Variants in ANKFN1 observed in about 807,000 individuals in gnomAD.
ANKFN1 encodes the protein ankyrin repeat and fibronectin type-III domain-containing protein 1.
A neutral mutation model predicts 108.7 loss-of-function variants in ANKFN1; 74 were observed. The ratio of observed to expected loss-of-function variants is 0.68; its 90% CI spans 0.56 to 0.83. ANKFN1 has a LOEUF of 0.83. Among genes scored for constraint, ANKFN1 ranks in the 40% least tolerant of loss-of-function variants. The probability of loss-of-function intolerance (pLI) is 0.00; values close to 1 mark genes in which losing one functional copy is unlikely to be tolerated. For missense variants in ANKFN1, 1,505 were observed against 1,382.3 expected, an observed-to-expected ratio of 1.09 and a Z score of -1.41; for synonymous variants, 547 against 516.2, an observed-to-expected ratio of 1.06 and a Z score of -0.81.
intron 3 of ANKFN1, among the ~76,000 whole-genome samples, chr17:56,274,448 G>A (rs1418139188): frequency 6.6e-6 from 1 of 152,142 alleles, no homozygotes; most frequent in Non-Finnish European, 1.5e-5. Flanking sequence ...ACTCCAGCCT[G>A]GGCGACAGCG....
Position 56,094,519 on chromosome 17 carries a change from C to CGCCAGGCTGCCAGGCT in ANKFN1, c.288+48212_288+48227dup, listed in dbSNP as rs60704704. Among the ~76,000 whole-genome samples the CGCCAGGCTGCCAGGCT allele has an allele frequency of 1.7e-4, 19 of 113,580 alleles. No homozygotes were observed. The East Asian group carries it at 1.9e-3, about 12-fold the overall frequency. 74.5% of individuals were successfully genotyped at this position (113,580 alleles called of 152,430 possible). ...TTTTTGAGGCGAAGTCTTGTTTTGT[C>CGCCAGGCTGCCAGGCT]GCCAGGCTGCCAGGCTGCCAGGCTG... is the stretch of plus-strand genomic sequence containing the variant. On this transcript the variant is annotated intron_variant, in intron 4 of 12. Coordinates refer to the ANKFN1 transcript ENST00000635860.
intron 1 of ANKFN1, among the ~76,000 whole-genome samples, chr17:56,190,010 A>C (rs1407767645): frequency 1.3e-5 from 2 of 151,310 alleles, no homozygotes; most frequent in African/African-American, 4.9e-5. Flanking sequence ...AAAAAAAAAA[A>C]AGTATTCTCT....
intron 4 of ANKFN1, among the ~76,000 whole-genome samples, chr17:56,126,400 T>C (rs1906935973): frequency 6.6e-6 from 1 of 152,130 alleles, no homozygotes; most frequent in African/African-American, 2.4e-5. Context: ...TCCCCCTTCT[T>C]GACACAATTA....
rs373907149 is a variant in ANKFN1 at position 56,337,833 on chromosome 17, G to A, written c.188+11478G>A. Among the ~76,000 whole-genome samples the A allele has an allele frequency of 4.6e-5, 7 of 152,246 alleles. No individual in the cohort carries two copies. In the East Asian group the frequency reaches 1.4e-3, roughly 29 times the overall value. On this transcript the variant is annotated intron_variant, in intron 4 of 20. Coordinates refer to ENST00000682825, the MANE Select transcript of ANKFN1 (RefSeq NM_001370326.1). ...ATGCTGGAGAGGATGTGGAGAAATA[G>A]GAACACTTTTACACCATTGGTGGGA...
intron 3 of ANKFN1, among the ~76,000 whole-genome samples, chr17:56,297,405 C>G (rs114606579): frequency 6.6e-6 from 1 of 152,124 alleles, no homozygotes; most frequent in African/African-American, 2.4e-5. Context: ...GCAATCTACT[C>G]GTGATTCTGT....
chr17:56,267,199 A>T (rs936081971), intron 3 of ANKFN1, among the ~76,000 whole-genome samples: 1 of 152,178 alleles, frequency 6.6e-6, no homozygotes, highest in Non-Finnish European at 1.5e-5. Flanking sequence ...CTCCAGCTGC[A>T]TGTGTGTTGC....
At chr17:56,175,168 A>G (rs1441717068) in intron 1 of ANKFN1, among the ~76,000 whole-genome samples, 1 of 152,220 alleles carries the variant, frequency 6.6e-6, no homozygotes, top group Non-Finnish European at 1.5e-5. Flanking sequence ...TAAGATATCA[A>G]AATAAGTGCT....
intron 4 of ANKFN1, among the ~76,000 whole-genome samples, chr17:56,061,844 C>A (rs761175207): frequency 6.6e-6 from 1 of 152,160 alleles, no homozygotes; most frequent in Non-Finnish European, 1.5e-5. Flanking sequence ...GATTTGAGAT[C>A]TTTCTAGCTT....
chr17:56,144,185 A>AAACT, intron 4 of ANKFN1, among the ~76,000 whole-genome samples: 1 of 99,242 alleles, frequency 1.0e-5, no homozygotes, highest in African/African-American at 3.6e-5. Context: ...AAAAAAAAAA[A>AAACT]CAGCCCAAAC....
At chr17:56,382,512 C>T (rs12941911) in intron 8 of ANKFN1, among the ~76,000 whole-genome samples, 83,110 of 151,536 alleles carry the variant, frequency 0.55, 27,427 homozygotes, top group East Asian at 0.95. Flanking sequence ...ACTAAATCCT[C>T]CAATTAAAAG....
chr17:56,083,176 TAA>T (rs2143171061), intron 4 of ANKFN1, among the ~76,000 whole-genome samples: 1 of 150,638 alleles, frequency 6.6e-6, no homozygotes, highest in East Asian at 1.9e-4. Flanking sequence ...GAAAAATGAA[TAA>T]GTGAATCAAT....
intron 6 of ANKFN1, among the ~76,000 whole-genome samples, chr17:56,355,418 A>G (rs1310759836): frequency 6.6e-6 from 1 of 152,158 alleles, no homozygotes; most frequent in Non-Finnish European, 1.5e-5. Flanking sequence ...TAAGACTGAC[A>G]TACTGGAGGA....
intron 3 of ANKFN1, chr17:56,323,424 G>A (rs2045425736): frequency 6.6e-6 from 1 of 152,618 alleles, no homozygotes; most frequent in African/African-American, 2.4e-5. Flanking sequence ...TCAAATAATT[G>A]CAGGCTTATG....
chr17:56,350,672 T>C, intron 4 of ANKFN1, 94 bp from the exon 5 acceptor site: 1 of 1,191,646 alleles, frequency 8.4e-7, no homozygotes, highest in Non-Finnish European at 1.2e-6. Context: ...AATATTGTAT[T>C]TGGATTCCAG....
intron 6 of ANKFN1, chr17:56,368,275 A>ATT: frequency 3.2e-5 from 1 of 31,324 alleles, no homozygotes; most frequent in Admixed American, 8.7e-4. Flanking sequence ...CTGAAAATGA[A>ATT]CTTTTTTTTT....
At chr17:56,505,648 A>G (rs2051530532) in intron 20 of ANKFN1, among the ~76,000 whole-genome samples, 1 of 152,234 alleles carries the variant, frequency 6.6e-6, no homozygotes, top group African/African-American at 2.4e-5. Flanking sequence ...ATAATTTATA[A>G]TAAAACTTGG....
chr17:56,308,661 C>T (rs956316163), intron 3 of ANKFN1, among the ~76,000 whole-genome samples: 1 of 152,064 alleles, frequency 6.6e-6, no homozygotes, highest in Non-Finnish European at 1.5e-5. Context: ...TAGGGGGAAG[C>T]ATTGTCTTTT....
chr17:56,126,298 G>A (rs199743169), intron 4 of ANKFN1, among the ~76,000 whole-genome samples: 2 of 77,400 alleles, frequency 2.6e-5, no homozygotes, highest in African/African-American at 6.5e-5. Flanking sequence ...AAAAAGGGGG[G>A]GCTATTTCTT....
chr17:56,491,259 G>A (rs1438097270), intron 18 of ANKFN1, among the ~76,000 whole-genome samples: 2 of 152,180 alleles, frequency 1.3e-5, no homozygotes, highest in Admixed American at 1.3e-4. Flanking sequence ...ACTGGTACAG[G>A]CCAGAGGTAA....
Sources: allele counts gnomAD v4.1 joint callset (sites outside exome capture counted in the v4.1 genomes callset), GRCh38; gene constraint gnomAD v4.1.1; transcripts MANE v1.5; gene names NCBI Gene and HGNC (gene_info 2026-07-23, HGNC 2026-07-21).